The following TNR variants were observed in gnomAD, a reference collection of about 807,000 sequenced individuals.
The protein encoded by TNR is tenascin R, also known as tenascin-R.
TNR carries 45 observed loss-of-function variants against 150.4 expected under a neutral mutation model. That is an observed-to-expected ratio of 0.30 (90% confidence interval 0.24 to 0.38). The LOEUF (loss-of-function observed/expected upper bound fraction) is 0.38, where lower values mean the gene tolerates loss of function less well. Ranked by LOEUF, TNR falls within the 10% of genes least tolerant of loss-of-function variation. The pLI, the probability that TNR is intolerant of heterozygous loss-of-function variation, is 1.00. For missense variants in TNR, 1,544 were observed against 1,759.1 expected (o/e 0.88, Z 2.19); for synonymous variants, 687 against 678.4 (o/e 1.01, Z -0.20).
intron 1 of TNR, among the ~76,000 whole-genome samples, chr1:175,532,256 G>T (rs1453370509): frequency 6.6e-6 from 1 of 152,192 alleles, no homozygotes; most frequent in African/African-American, 2.4e-5. Flanking sequence ...AATTTATTTT[G>T]TTCTCAATTC....
intron 1 of TNR, among the ~76,000 whole-genome samples, chr1:175,652,877 G>C (rs184032941): frequency 2.6e-5 from 4 of 152,302 alleles, no homozygotes; most frequent in African/African-American, 4.8e-5. Context: ...AAAAAGCTGT[G>C]AGTAGAAAAT....
At position 175,364,986 on chromosome 1, in the gene TNR, T is replaced by C. The variant is rs749679811; in HGVS notation, c.2587+24A>G. 3.0e-5 allele frequency: 48 copies of C among 1,578,730 alleles called. No individual in the cohort carries two copies. In the South Asian group the frequency reaches 5.2e-4, roughly 17 times the overall value. ...TACTGTGAAAACCCCTTTCATCACC[T>C]GCTGCCAAGTCCTCCAGCCTCACCT... On this transcript the variant is annotated intron_variant, in intron 12 of 22. Transcript: ENST00000367674.
chr1:175,396,768 T>C lies in TNR; in HGVS notation c.1016A>G (p.Asp339Gly). The part of the protein sequence containing the change: ...PEDLRVAGIS[D>G]RSIELEWDGP... ...GTCCCATTCCAGCTCAATGGACCTG[T>C]CGCTGATACCAGCCACTCGCAAGTC... The change falls in exon 5 of 23, where the codon GAC becomes GGC. Residue 339 changes from aspartate (D) to glycine (G), a missense_variant. Physicochemically the swap from Asp to Gly is moderately conservative, Grantham distance 94 (BLOSUM62 -1). Coordinates refer to ENST00000367674, the MANE Select transcript of TNR (RefSeq NM_003285.3). 1 of 1,614,086 alleles carries C rather than the reference T, an allele frequency of 6.2e-7. No individual in the cohort carries two copies. The highest frequency in any genetic ancestry group is 8.5e-7 in the Non-Finnish European group (1 of 1,179,950).
intron 1 of TNR, among the ~76,000 whole-genome samples, chr1:175,550,826 A>ATAGGATCC (rs1277421936): frequency 6.6e-6 from 1 of 152,102 alleles, no homozygotes; most frequent in Non-Finnish European, 1.5e-5. Context: ...AAACAACAAA[A>ATAGGATCC]TAGGATCCTA....
intron 2 of TNR, among the ~76,000 whole-genome samples, chr1:175,432,959 T>A (rs1036366453): frequency 6.6e-6 from 1 of 152,226 alleles, no homozygotes; most frequent in Non-Finnish European, 1.5e-5. Flanking sequence ...GTTGACCAGC[T>A]GTGAAATGTA....
chr1:175,556,889 C>T (rs1192160058), intron 1 of TNR: 1 of 152,218 alleles, frequency 6.6e-6, no homozygotes, highest in Non-Finnish European at 1.5e-5. Flanking sequence ...CTCTTCTAAC[C>T]AACACCATAT....
intron 1 of TNR, among the ~76,000 whole-genome samples, chr1:175,530,787 C>T (rs947038780): frequency 2.0e-5 from 3 of 151,946 alleles, no homozygotes; most frequent in Non-Finnish European, 4.4e-5. Flanking sequence ...TCCACATTAC[C>T]TCGGCCCCTG....
rs865799348 is a variant in TNR, at chr1:175,406,476, G to A, written c.239C>T (p.Ser80Phe). ...NINVPLDNLCSSGLEASAEQE... is the reference protein window; with the variant it reads ...NINVPLDNLCFSGLEASAEQE... ...CTCAGCAGAGGCCTCTAGCCCTGAG[G>A]AGCAGAGGTTGTCCAAGGGCACGTT... The change falls in exon 3 of 23, where the codon TCC becomes TTC. Residue 80 changes from serine to phenylalanine, a missense_variant. Transcript: ENST00000367674. 6.2e-7 allele frequency: 1 copy of A among 1,614,216 alleles called. No homozygotes were observed. The highest frequency in any genetic ancestry group is 1.3e-5 in the African/African-American group (1 of 75,048).
intron 1 of TNR, among the ~76,000 whole-genome samples, chr1:175,585,220 G>A (rs1012195553): frequency 2.0e-5 from 3 of 152,198 alleles, no homozygotes; most frequent in Admixed American, 6.5e-5. Context: ...ATGGAAGATG[G>A]AGGAGGGTTA....
Position 175,362,711 on chromosome 1 carries a change from C to T in TNR, c.2806G>A (p.Val936Met), listed in dbSNP as rs1004611621. Residue 936 changes from valine (V) to methionine (M), a missense_variant, in exon 14 of 23, where the codon GTG (valine) becomes ATG (methionine). Physicochemically the swap from Val to Met is conservative, Grantham distance 21. Coordinates refer to ENST00000367674, the MANE Select transcript of TNR (RefSeq NM_003285.3). ...CGCTCGCTTTCCTCCCTGCCCCGCA[C>T]GCTGTTGAGGCTGATTTCGTATTCG... ...ATEYEISLNS[V>M]RGREESERIC... 8.1e-6 allele frequency: 13 copies of T among 1,614,014 alleles called. No individual in the cohort carries two copies. Among genetic ancestry groups the T allele is most frequent in the Middle Eastern group, 1.6e-4 (1 of 6,082 alleles).
intron 1 of TNR, among the ~76,000 whole-genome samples, chr1:175,554,000 C>T (rs1037311197): frequency 2.0e-5 from 3 of 152,116 alleles, no homozygotes; most frequent in African/African-American, 7.2e-5. Flanking sequence ...GAAAAATGGC[C>T]ACAAACAGGC....
chr1:175,704,950 G>A (rs992470147), intron 1 of TNR, among the ~76,000 whole-genome samples: 3 of 152,064 alleles, frequency 2.0e-5, no homozygotes, highest in Admixed American at 6.6e-5. Context: ...GTGAGGGGAC[G>A]GGGGATGTTT....
intron 19 of TNR, 36 bp from the exon 20 acceptor site, chr1:175,335,843 CA>C (rs755539587): frequency 1.3e-6 from 2 of 1,570,178 alleles, no homozygotes; most frequent in Non-Finnish European, 1.7e-6. Flanking sequence ...AACAAACAAA[CA>C]AAAAAACAAA....
chr1:175,638,152 T>A (rs1372106928), intron 1 of TNR, among the ~76,000 whole-genome samples: 1 of 152,218 alleles, frequency 6.6e-6, no homozygotes, highest in African/African-American at 2.4e-5. Flanking sequence ...TAATACCTGA[T>A]GCTGATATGG....
chr1:175,529,684 G>T (rs1406227902), intron 1 of TNR, among the ~76,000 whole-genome samples: 1 of 152,182 alleles, frequency 6.6e-6, no homozygotes, highest in African/African-American at 2.4e-5. Context: ...ACAGATTGCA[G>T]CCTATTTGGG....
chr1:175,643,739 C>T (rs1280345234), intron 1 of TNR, among the ~76,000 whole-genome samples: 6 of 152,144 alleles, frequency 3.9e-5, no homozygotes, highest in Admixed American at 3.3e-4. Flanking sequence ...AGAAATGATG[C>T]CAAATTCAAT....
chr1:175,721,629 T>C (rs1667303633), intron 1 of TNR, among the ~76,000 whole-genome samples: 1 of 152,142 alleles, frequency 6.6e-6, no homozygotes, highest in African/African-American at 2.4e-5. Flanking sequence ...CCTTCACCTT[T>C]TTCTCTTACT....
intron 20 of TNR, among the ~76,000 whole-genome samples, chr1:175,334,231 C>T (rs2101989329): frequency 6.6e-6 from 1 of 152,324 alleles, no homozygotes; most frequent in Middle Eastern, 3.4e-3. Flanking sequence ...TCTGGCCTCA[C>T]TGGCTGGCTG....
At chr1:175,579,165 T>TTTCCCTCCTTCCTTCCTTCCTTCCTTCC (rs1662240354) in intron 1 of TNR, among the ~76,000 whole-genome samples, 1 of 134,380 alleles carries the variant, frequency 7.4e-6, no homozygotes, top group African/African-American at 2.8e-5. Flanking sequence ...TCGTTCCTTC[T>TTTCCCTCCTTCCTTCCTTCCTTCCTTCC]TTCCTTCCTT....
Sources: allele counts gnomAD v4.1 joint callset (sites outside exome capture counted in the v4.1 genomes callset), GRCh38; gene constraint gnomAD v4.1.1; transcripts MANE v1.5; gene names NCBI Gene and HGNC (gene_info 2026-07-23, HGNC 2026-07-21).